PLAAT1: variants seen among roughly 807,000 people sequenced by gnomAD.
PLAAT1 encodes H-REV107 protein-related protein.
A neutral mutation model predicts 16.4 loss-of-function variants in PLAAT1; 13 were observed. The observed-to-expected ratio is 0.79, with a 90% CI of 0.52 to 1.26. The LOEUF (loss-of-function observed/expected upper bound fraction) is 1.26. Among genes scored for constraint, PLAAT1 ranks in the 50% most tolerant of loss-of-function variants. The pLI, the probability that PLAAT1 is intolerant of heterozygous loss-of-function variation, is 0.00. For missense variants in PLAAT1, 218 were observed against 207.8 expected (o/e 1.05, Z -0.30); for synonymous variants, 73 against 78.4 (o/e 0.93, Z 0.36).
At chr3:193,280,293 C>T (rs1717427764), downstream of PLAAT1, among the ~76,000 whole-genome samples, 1 of 152,120 alleles carries the variant, frequency 6.6e-6, no homozygotes, top group Admixed American at 6.6e-5. Context: ...GACCTGCGAT[C>T]CACCCGCCTC....
At chr3:193,275,137 T>C (rs765467604), downstream of PLAAT1, 6 of 1,614,116 alleles carry the variant, frequency 3.7e-6, no homozygotes, top group East Asian at 1.1e-4. Flanking sequence ...CCTCCGTTGA[T>C]GTAGAATCCA....
downstream of PLAAT1, among the ~76,000 whole-genome samples, chr3:193,281,420 A>C (rs1333258452): frequency 6.6e-6 from 1 of 152,216 alleles, no homozygotes; most frequent in East Asian, 1.9e-4. Context: ...TAAAGATTTG[A>C]ATGTTGGCTC....
At chr3:193,267,012 T>TG (rs1195977868) in intron 3 of PLAAT1, among the ~76,000 whole-genome samples, 4 of 152,160 alleles carry the variant, frequency 2.6e-5, no homozygotes, top group Non-Finnish European at 5.9e-5. Context: ...TCATCTTTTT[T>TG]TCTTCTTTGT....
intron 1 of PLAAT1, among the ~76,000 whole-genome samples, chr3:193,246,355 T>G (rs534351779): frequency 1.2e-3 from 156 of 129,300 alleles, no homozygotes; most frequent in Non-Finnish European, 2.2e-3. Context: ...GTATATTTAT[T>G]TATTAATGTA....
intron 1 of PLAAT1, among the ~76,000 whole-genome samples, chr3:193,242,272 A>G (rs1253399503): frequency 6.6e-6 from 1 of 152,116 alleles, no homozygotes; most frequent in African/African-American, 2.4e-5. Context: ...CGTATGCCCC[A>G]CAAGAGACAA....
intron 3 of PLAAT1, among the ~76,000 whole-genome samples, chr3:193,264,227 T>C (rs1431171171): frequency 6.6e-6 from 1 of 152,194 alleles, no homozygotes; most frequent in Non-Finnish European, 1.5e-5. Context: ...GTTATAATTC[T>C]TCTCACAAAA....
At chr3:193,275,250 C>A, downstream of PLAAT1, 1 of 1,614,054 alleles carries the variant, frequency 6.2e-7, no homozygotes, top group Non-Finnish European at 8.5e-7. Context: ...AGAGTAGAAT[C>A]CAAATTCTCT....
downstream of PLAAT1, among the ~76,000 whole-genome samples, chr3:193,278,708 T>C (rs1433437344): frequency 2.6e-5 from 4 of 152,064 alleles, no homozygotes; most frequent in Non-Finnish European, 5.9e-5. Context: ...GGGGCCTCCT[T>C]CTTCTATGTT....
chr3:193,274,988 G>A (rs1717117141), downstream of PLAAT1: 1 of 1,597,186 alleles, frequency 6.3e-7, no homozygotes, highest in African/African-American at 1.3e-5. Context: ...TCCACAATGT[G>A]TTAATTTTGG....
At chr3:193,252,719 G>A (rs1716236412) in intron 1 of PLAAT1, among the ~76,000 whole-genome samples, 1 of 152,076 alleles carries the variant, frequency 6.6e-6, no homozygotes, top group Non-Finnish European at 1.5e-5. Context: ...AATAATTTTT[G>A]TATGAAGTAT....
intron 3 of PLAAT1, among the ~76,000 whole-genome samples, chr3:193,263,571 G>A (rs1716669693): frequency 1.3e-5 from 2 of 152,182 alleles, no homozygotes; most frequent in Admixed American, 1.3e-4. Flanking sequence ...GAATATGCTA[G>A]AAAGGATGTT....
chr3:193,263,237 T>G lies in PLAAT1; in HGVS notation c.405+2T>G. On this transcript the variant is annotated splice_donor_variant, in intron 3 of 3. Coordinates refer to ENST00000264735, the MANE Select transcript of PLAAT1 (RefSeq NM_020386.5). LOFTEE classifies it high-confidence loss of function. Reference sequence around the variant, plus strand: ...TATGGAGAAGGAGTTTCAGAGCAGGTAAGTTTTCTTTAGGAGATATTCTTA... The same window carrying G: ...TATGGAGAAGGAGTTTCAGAGCAGGGAAGTTTTCTTTAGGAGATATTCTTA... 1 of 1,612,846 alleles carries G rather than the reference T, an allele frequency of 6.2e-7. No homozygotes were observed. The highest frequency in any genetic ancestry group is 1.1e-5 in the South Asian group (1 of 91,030).
chr3:193,256,536 C>T (rs773319153), intron 2 of PLAAT1, among the ~76,000 whole-genome samples: 11 of 152,170 alleles, frequency 7.2e-5, no homozygotes, highest in Non-Finnish European at 1.5e-4. Flanking sequence ...AAAGCTAATA[C>T]ACCTTTTGAA....
chr3:193,263,121 A>C lies in PLAAT1; in HGVS notation c.291A>C (p.Glu97Asp). ...DETYPPLPVEEIIKRSEFVIG... is the reference protein window; with the variant it reads ...DETYPPLPVEDIIKRSEFVIG... ...CGTACCCCCCTCTCCCTGTGGAAGA[A>C]ATCATAAAGCGGTCAGAGTTTGTAA... The change falls in exon 3 of 4, where the codon GAA (glutamate) becomes GAC (aspartate). Residue 97 changes from glutamate (E) to aspartate (D), a missense_variant. Coordinates refer to ENST00000264735, the MANE Select transcript of PLAAT1 (RefSeq NM_020386.5). The C allele has an allele frequency of 6.2e-7, 1 of 1,614,218 alleles. No individual in the cohort carries two copies.
intron 1 of PLAAT1, among the ~76,000 whole-genome samples, chr3:193,242,039 G>T (rs1369986712): frequency 9.9e-5 from 15 of 151,956 alleles, no homozygotes; most frequent in Non-Finnish European, 2.9e-5. Flanking sequence ...CACTAACCGC[G>T]TGCGGCCCAG....
At chr3:193,274,678 A>G (rs1717104206), downstream of PLAAT1, 1 of 209,066 alleles carries the variant, frequency 4.8e-6, no homozygotes, top group Non-Finnish European at 9.6e-6. Context: ...GACAACTAAT[A>G]GTAAAACTTT....
chr3:193,255,815 G>A (rs1490108586), intron 2 of PLAAT1, 26 bp downstream of exon 2: 1 of 1,544,630 alleles, frequency 6.5e-7, no homozygotes, highest in Non-Finnish European at 8.8e-7. Context: ...AGTGGCTCCT[G>A]GGAGCAAAGT....
downstream of PLAAT1, among the ~76,000 whole-genome samples, chr3:193,274,242 C>CA: frequency 6.6e-6 from 1 of 151,614 alleles, no homozygotes; most frequent in Non-Finnish European, 1.5e-5. Context: ...GACACCATCT[C>CA]AAAAAAAAGC....
chr3:193,268,850 T>C (rs1042525791), intron 3 of PLAAT1, among the ~76,000 whole-genome samples: 1 of 152,180 alleles, frequency 6.6e-6, no homozygotes, highest in African/African-American at 2.4e-5. Flanking sequence ...GGCTGAAAGA[T>C]ACCTAGTCAG....
Sources: allele counts gnomAD v4.1 joint callset (sites outside exome capture counted in the v4.1 genomes callset), GRCh38; gene constraint gnomAD v4.1.1; transcripts MANE v1.5; gene names NCBI Gene and HGNC (gene_info 2026-07-23, HGNC 2026-07-21).